The following CNTNAP2 variants were observed in gnomAD, a reference collection of about 807,000 sequenced individuals.
CNTNAP2 encodes the protein contactin-associated protein-like 2.
A neutral mutation model predicts 155.2 loss-of-function variants in CNTNAP2; 98 were observed. That is an observed-to-expected ratio of 0.63 (90% CI 0.54 to 0.75). The LOEUF (loss-of-function observed/expected upper bound fraction) is 0.75, where lower values mean the gene tolerates loss of function less well. Among genes scored for constraint, CNTNAP2 ranks in the 30% least tolerant of loss-of-function variants. The probability of loss-of-function intolerance (pLI) is 0.00; values close to 1 mark genes in which losing one functional copy is unlikely to be tolerated. For missense variants in CNTNAP2, 1,727 were observed against 1,688.1 expected, an observed-to-expected ratio of 1.02 and a Z score of -0.40; for synonymous variants, 651 against 631.2, an observed-to-expected ratio of 1.03 and a Z score of -0.47.
At chr7:147,848,684 G>T (rs989733289) in intron 13 of CNTNAP2, among the ~76,000 whole-genome samples, 2 of 150,214 alleles carry the variant, frequency 1.3e-5, no homozygotes, top group African/African-American at 2.5e-5. Context: ...AATTTCAAAA[G>T]GCATTTGGGC....
rs1243251339 is a variant in CNTNAP2 at position 147,837,439 on chromosome 7, G to A, written c.2099-66126G>A. On this transcript the variant is annotated intron_variant, in intron 13 of 23. Transcript: ENST00000361727. ...AGCTACAATTCAAGTTGAGATTTGGGTGGGGACACAGCCAAACCATATCAT... is the reference window on the plus strand; with the variant it reads ...AGCTACAATTCAAGTTGAGATTTGGATGGGGACACAGCCAAACCATATCAT... Among the ~76,000 whole-genome samples, 6 of 152,064 alleles carry A rather than the reference G, an allele frequency of 3.9e-5. 1 individual carries two copies. The South Asian group carries it at 1.0e-3, about 26-fold the overall frequency.
chr7:148,041,015 A>G (rs1343902152), intron 15 of CNTNAP2, among the ~76,000 whole-genome samples: 1 of 152,152 alleles, frequency 6.6e-6, no homozygotes, highest in Admixed American at 6.6e-5. Flanking sequence ...TAGTTTATAG[A>G]TGTACAACAT....
chr7:147,735,332 T>C (rs1337474105), intron 13 of CNTNAP2, among the ~76,000 whole-genome samples: 3 of 152,192 alleles, frequency 2.0e-5, no homozygotes, highest in Admixed American at 6.5e-5. Flanking sequence ...TTGAGTGGTT[T>C]TGAGTGAGTT....
chr7:146,696,453 T>A (rs1397967521), intron 1 of CNTNAP2, among the ~76,000 whole-genome samples: 1 of 152,146 alleles, frequency 6.6e-6, no homozygotes, highest in Non-Finnish European at 1.5e-5. Context: ...ACAATTTTAT[T>A]GAACTTTTCA....
intron 1 of CNTNAP2, among the ~76,000 whole-genome samples, chr7:146,475,335 C>T (rs1796862161): frequency 6.6e-6 from 1 of 152,014 alleles, no homozygotes; most frequent in East Asian, 1.9e-4. Context: ...ATTGGTAGAA[C>T]AGAGGAAATT....
intron 1 of CNTNAP2, among the ~76,000 whole-genome samples, chr7:146,139,128 G>A (rs767827951): frequency 6.6e-6 from 1 of 152,088 alleles, no homozygotes; most frequent in Non-Finnish European, 1.5e-5. Context: ...CCTCGTGATT[G>A]CGTGGGTGAC....
chr7:146,890,982 C>T (rs979457354), intron 3 of CNTNAP2, among the ~76,000 whole-genome samples: 1 of 152,136 alleles, frequency 6.6e-6, no homozygotes, highest in Non-Finnish European at 1.5e-5. Flanking sequence ...GATATGGAAT[C>T]AACCCAGGTG....
intron 15 of CNTNAP2, among the ~76,000 whole-genome samples, chr7:147,988,352 T>C (rs2116878642): frequency 6.6e-6 from 1 of 152,304 alleles, no homozygotes; most frequent in Non-Finnish European, 1.5e-5. Flanking sequence ...TTAATAGAGA[T>C]TCTTTACAGA....
intron 1 of CNTNAP2, among the ~76,000 whole-genome samples, chr7:146,521,611 A>T (rs982254702): frequency 3.9e-5 from 6 of 152,038 alleles, no homozygotes; most frequent in Admixed American, 6.6e-5. Flanking sequence ...TATGTTAAAC[A>T]CCAGAATTTT....
At chr7:146,738,743 T>C (rs1268287832) in intron 1 of CNTNAP2, among the ~76,000 whole-genome samples, 1 of 151,936 alleles carries the variant, frequency 6.6e-6, no homozygotes, top group Non-Finnish European at 1.5e-5. Flanking sequence ...AATATTCAAT[T>C]TTCCAAACAG....
intron 4 of CNTNAP2, among the ~76,000 whole-genome samples, chr7:147,075,537 A>T (rs1799979382): frequency 6.6e-6 from 1 of 152,194 alleles, no homozygotes; most frequent in African/African-American, 2.4e-5. Flanking sequence ...ATGTCCATCA[A>T]GCATTCCAGA....
chr7:146,501,913 CATGGA>C (rs1220521491), intron 1 of CNTNAP2, among the ~76,000 whole-genome samples: 1 of 151,912 alleles, frequency 6.6e-6, no homozygotes, highest in South Asian at 2.1e-4. Context: ...ATCAACAAGC[CATGGA>C]ATGCCTGGGG....
At chr7:147,302,618 TC>T (rs1378986524) in intron 9 of CNTNAP2, among the ~76,000 whole-genome samples, 1 of 152,228 alleles carries the variant, frequency 6.6e-6, no homozygotes, top group Non-Finnish European at 1.5e-5. Flanking sequence ...ACTTTGAAAT[TC>T]AAGAGAATGA....
At chr7:146,842,049 ATTT>A (rs10712275) in intron 3 of CNTNAP2, among the ~76,000 whole-genome samples, 111 of 151,540 alleles carry the variant, frequency 7.3e-4, no homozygotes, top group Middle Eastern at 3.4e-3. Flanking sequence ...TGCCTGGCTA[ATTT>A]TTTTTTGTAT....
chr7:148,227,119 A>G (rs1192119617), intron 19 of CNTNAP2, among the ~76,000 whole-genome samples: 1 of 152,146 alleles, frequency 6.6e-6, no homozygotes, highest in Non-Finnish European at 1.5e-5. Flanking sequence ...AAGGTGCCCC[A>G]AAACGAGGGG....
chr7:147,676,230 A>G (rs1795864678), intron 13 of CNTNAP2, among the ~76,000 whole-genome samples: 1 of 151,984 alleles, frequency 6.6e-6, no homozygotes, highest in Non-Finnish European at 1.5e-5. Flanking sequence ...TTTCTTATGG[A>G]ATTATTGTAA....
intron 3 of CNTNAP2, among the ~76,000 whole-genome samples, chr7:147,018,559 A>AT (rs1373716813): frequency 7.2e-5 from 11 of 152,118 alleles, no homozygotes; most frequent in Admixed American, 7.2e-4. Flanking sequence ...CTTTATTCAG[A>AT]TAAAGTTATT....
intron 10 of CNTNAP2, among the ~76,000 whole-genome samples, chr7:147,401,689 C>T (rs1286011713): frequency 6.6e-6 from 1 of 152,054 alleles, no homozygotes; most frequent in Non-Finnish European, 1.5e-5. Context: ...GGGTGGATTT[C>T]CCCCTTACCG....
At chr7:146,527,006 G>A (rs879872464) in intron 1 of CNTNAP2, among the ~76,000 whole-genome samples, 4 of 151,562 alleles carry the variant, frequency 2.6e-5, no homozygotes, top group African/African-American at 9.7e-5. Flanking sequence ...CTCCCGCCTC[G>A]GCCTCCCAAA....
Sources: gnomAD v4.1 joint callset for allele counts (sites outside exome capture counted in the v4.1 genomes callset) on GRCh38, gnomAD v4.1.1 for gene constraint, MANE v1.5 for transcripts, NCBI Gene and HGNC (gene_info 2026-07-23, HGNC 2026-07-21) for gene names.